The following NDUFA3 variants were observed in gnomAD, a reference collection of about 807,000 sequenced individuals.
NDUFA3 encodes the protein NADH:ubiquinone oxidoreductase subunit A3, also known as NADH dehydrogenase [ubiquinone] 1 alpha subcomplex subunit 3.
Under a neutral mutation model 11.4 loss-of-function variants are expected in NDUFA3, and 10 were observed. That is an observed-to-expected ratio of 0.87 (90% confidence interval 0.54 to 1.48). NDUFA3 has a LOEUF of 1.48. Among genes scored for constraint, NDUFA3 ranks in the 40% most tolerant of loss-of-function variants. The pLI, the probability that NDUFA3 is intolerant of heterozygous loss-of-function variation, is 0.00. For synonymous variants in NDUFA3, 39 were observed against 46.9 expected, an observed-to-expected ratio of 0.83 and a Z score of 0.68; for missense variants, 115 against 110.5, an observed-to-expected ratio of 1.04 and a Z score of -0.18.
At chr19:54,106,333 A>T in intron 3 of NDUFA3, 1 of 400,752 alleles carries the variant, frequency 2.5e-6, no homozygotes, top group South Asian at 2.9e-5. Context: ...CGACACGCAA[A>T]CTTTTTCGTA....
At chr19:54,103,254 G>A in intron 2 of NDUFA3, 66 bp downstream of exon 2, 1 of 1,489,564 alleles carries the variant, frequency 6.7e-7, no homozygotes, top group South Asian at 1.3e-5. Flanking sequence ...CCTCCATCTT[G>A]TACCCCTAAA....
At position 54,103,277 on chromosome 19, in the gene NDUFA3, C is replaced by A; in HGVS notation, c.85+89C>A. The A allele has an allele frequency of 2.3e-6, 3 of 1,305,974 alleles. No homozygotes were observed. The South Asian group carries it at 4.4e-5, about 19-fold the overall frequency. 80.9% of individuals were successfully genotyped at this position (1,305,974 alleles called of 1,614,324 possible). A position where few individuals can be genotyped will look rare whatever the true frequency, so the allele number is the denominator to read the frequency against. ...TTGTACCCCTAAAGCCCTATCGCCG[C>A]CCTCGGGTCCCCTCTAGTGTGTCTG... On this transcript the variant is annotated intron_variant, in intron 2 of 3. Transcript: ENST00000485876.
At chr19:54,106,168 G>A (rs587696742) in intron 3 of NDUFA3, 157 bp downstream of exon 3, 36 of 681,464 alleles carry the variant, frequency 5.3e-5, no homozygotes, top group South Asian at 4.2e-4. Flanking sequence ...GATATAATTC[G>A]TATACTATTC....
Position 54,107,275 on chromosome 19 carries a change from G to A in NDUFA3, c.*373G>A. The stretch of plus-strand genomic sequence containing the variant: ...TTGTTTTGCTTTTTAAAGAGACAGG[G>A]TCTCACTCTGTTGCCCAGGCTGGAG... On this transcript the variant is annotated 3_prime_UTR_variant, in exon 4 of 4. Transcript: ENST00000485876. The A allele has an allele frequency of 6.8e-7, 1 of 1,470,086 alleles. No individual in the cohort carries two copies. The allele number at this position is 1,470,086 out of a possible 1,614,324, so 91.1% of individuals were successfully genotyped here.
At chr19:54,104,133 A>AAACTGTAGGTTCT (rs2073183426) in intron 2 of NDUFA3, among the ~76,000 whole-genome samples, 1 of 114,756 alleles carries the variant, frequency 8.7e-6, no homozygotes. Flanking sequence ...GCGCCCGGCC[A>AAACTGTAGGTTCT]GCTTTTTTTT....
In NDUFA3 at chr19:54,106,978, T is replaced by C. The variant is rs2073282907; in HGVS notation, c.*76T>C. ...GAAAACCAACCCCCGAACGTGAGCA[T>C]GTGTGTGATCAGAGGTGGGAACAAG... On this transcript the variant is annotated 3_prime_UTR_variant, in exon 4 of 4. Coordinates refer to ENST00000485876, the MANE Select transcript of NDUFA3 (RefSeq NM_004542.4). The C allele has an allele frequency of 6.2e-7, 1 of 1,603,622 alleles. No individual in the cohort carries two copies. Among genetic ancestry groups the C allele is most frequent in the South Asian group, 1.1e-5 (1 of 90,580 alleles).
chr19:54,105,263 G>GTTTTTTTTTTTTTT (rs1201834834), intron 2 of NDUFA3, among the ~76,000 whole-genome samples: 1 of 38,992 alleles, frequency 2.6e-5, no homozygotes, highest in African/African-American at 1.0e-4. Flanking sequence ...AGTTTGTAAG[G>GTTTTTTTTTTTTTT]CTTTTTTTTT....
chr19:54,103,399 C>A (rs926739175), intron 2 of NDUFA3, among the ~76,000 whole-genome samples: 2 of 152,244 alleles, frequency 1.3e-5, no homozygotes, highest in East Asian at 3.9e-4. Context: ...ACGCTCTTAA[C>A]CCCTCTAAAT....
rs1305010848 is a variant in NDUFA3 at position 54,107,438 on chromosome 19, G to A, written c.*536G>A. ...CATGTTTTTTCTTTTTGGTAGAGATGGGGTCTCAGTATGTTGCTCAGGCAG... is the reference window on the plus strand; with the variant it reads ...CATGTTTTTTCTTTTTGGTAGAGATAGGGTCTCAGTATGTTGCTCAGGCAG... On this transcript the variant is annotated 3_prime_UTR_variant, in exon 4 of 4. Transcript: ENST00000485876. 2 of 475,470 alleles carry A rather than the reference G, an allele frequency of 4.2e-6. No individual in the cohort carries two copies. The highest frequency in any genetic ancestry group is 2.0e-5 in the African/African-American group (1 of 50,460). The allele number at this position is 475,470 out of a possible 1,614,324, so 29.5% of individuals were successfully genotyped here. A position where few individuals can be genotyped will look rare whatever the true frequency, so the allele number is the denominator to read the frequency against.
In NDUFA3 at chr19:54,106,878, C is replaced by T; in HGVS notation, c.231C>T (p.Ser77=). The change falls in exon 4 of 4, where the codon AGC becomes AGT. Residue 77 remains serine, a synonymous_variant. Transcript: ENST00000485876. ...PSHPQDPQGP[S]LEWLKKL ...ACCCCCAGGACCCTCAGGGCCCCAG[C>T]CTGGAGTGGCTGAAGAAACTGTGAG... 1.9e-6 allele frequency: 3 copies of T among 1,613,542 alleles called. No homozygotes were observed. Among genetic ancestry groups the T allele is most frequent in the Non-Finnish European group, 2.5e-6 (3 of 1,179,870 alleles).
At chr19:54,106,514 G>T in intron 3 of NDUFA3, 1 of 437,418 alleles carries the variant, frequency 2.3e-6, no homozygotes, top group East Asian at 3.8e-5. Flanking sequence ...GTCTCTCTCT[G>T]GGTTCCCATC....
chr19:54,107,111 A>G lies in NDUFA3; in HGVS notation c.*209A>G. ...CAGCAGTTTGTCTGGACCCCGAGAA[A>G]CCCAACTGGAATCCAGGGCCTCATC... On this transcript the variant is annotated 3_prime_UTR_variant, in exon 4 of 4. Transcript: ENST00000485876. 1 of 1,613,762 alleles carries G rather than the reference A, an allele frequency of 6.2e-7. No individual in the cohort carries two copies. Among genetic ancestry groups the G allele is most frequent in the Non-Finnish European group, 8.5e-7 (1 of 1,179,918 alleles).
Position 54,107,246 on chromosome 19 carries a change from C to A in NDUFA3, c.*344C>A, listed in dbSNP as rs2073296002. 2.6e-6 allele frequency: 4 copies of A among 1,565,716 alleles called. No homozygotes were observed. The Admixed American group carries it at 7.7e-5, about 30-fold the overall frequency. ...CCATCAGCTTCACCATTTTTGTTTTCATTTTGTTTTGCTTTTTAAAGAGAC... is the reference window on the plus strand; with the variant it reads ...CCATCAGCTTCACCATTTTTGTTTTAATTTTGTTTTGCTTTTTAAAGAGAC... On this transcript the variant is annotated 3_prime_UTR_variant, in exon 4 of 4. Transcript: ENST00000485876.
At chr19:54,103,812 G>A (rs1312576603) in intron 2 of NDUFA3, among the ~76,000 whole-genome samples, 1 of 151,988 alleles carries the variant, frequency 6.6e-6, no homozygotes, top group Non-Finnish European at 1.5e-5. Context: ...CCGAGTAGCT[G>A]GGATTACAGG....
chr19:54,107,409 C>G lies in NDUFA3; in HGVS notation c.*507C>G. The G allele has an allele frequency of 5.5e-6, 3 of 543,514 alleles. No individual in the cohort carries two copies. Among genetic ancestry groups the G allele is most frequent in the Non-Finnish European group, 9.7e-6 (3 of 310,380 alleles). The allele number at this position is 543,514 out of a possible 1,614,324, so 33.7% of individuals were successfully genotyped here. On this transcript the variant is annotated 3_prime_UTR_variant, in exon 4 of 4. Transcript: ENST00000485876. ...GACTACAGGCACTTGCCAACCAAGC[C>G]TAACATGTTTTTTCTTTTTGGTAGA... is the stretch of plus-strand genomic sequence containing the variant.
chr19:54,106,101 G>A (rs1301637184), intron 3 of NDUFA3, 90 bp downstream of exon 3: 1 of 1,305,368 alleles, frequency 7.7e-7, no homozygotes, highest in Admixed American at 1.8e-5. Flanking sequence ...TTCCTAAGCA[G>A]TTATCAGAGA....
chr19:54,103,418 C>T (rs1449764624), intron 2 of NDUFA3, among the ~76,000 whole-genome samples: 1 of 152,164 alleles, frequency 6.6e-6, no homozygotes, highest in Non-Finnish European at 1.5e-5. Context: ...ATGAGACGTT[C>T]TCAACCCTGC....
At chr19:54,103,218 A>G (rs1433552154) in intron 2 of NDUFA3, 30 bp downstream of exon 2, 2 of 1,567,852 alleles carry the variant, frequency 1.3e-6, no homozygotes, top group East Asian at 2.3e-5. Flanking sequence ...GCAAACTTGC[A>G]TCGTCCACCC....
intron 3 of NDUFA3, chr19:54,106,281 C>T (rs1234926825): frequency 8.4e-6 from 4 of 476,444 alleles, no homozygotes; most frequent in Non-Finnish European, 1.1e-5. Flanking sequence ...TCACTGCAAG[C>T]TCAGCCTCCC....
Sources: allele counts gnomAD v4.1 joint callset (sites outside exome capture counted in the v4.1 genomes callset), GRCh38; gene constraint gnomAD v4.1.1; transcripts MANE v1.5; gene names NCBI Gene and HGNC (gene_info 2026-07-23, HGNC 2026-07-21).